Variants in KLF8 observed in about 807,000 individuals in gnomAD.
KLF8 encodes KLF transcription factor 8, also known as Krueppel-like factor 8.
KLF8 carries 10 observed loss-of-function variants against 18.2 expected under a neutral mutation model. The observed-to-expected ratio is 0.55, with a 90% confidence interval of 0.34 to 0.93. The LOEUF (loss-of-function observed/expected upper bound fraction) is 0.93. Ranked by LOEUF, KLF8 falls within the 40% of genes least tolerant of loss-of-function variation. KLF8 has a pLI of 0.02. For synonymous variants in KLF8, 109 were observed against 97.3 expected (o/e 1.12, Z -0.71); for missense variants, 264 against 277.9 (o/e 0.95, Z 0.36).
chrX:56,228,372 C>G (rs2066382272), upstream of KLF8, among the ~76,000 whole-genome samples: 1 of 111,895 alleles, frequency 8.9e-6, no homozygotes, highest in African/African-American at 3.2e-5. Flanking sequence ...CTTTGGGGAC[C>G]ATCTTTAAGA....
the KLF8 span, among the ~76,000 whole-genome samples, chrX:56,083,228 G>A: frequency 9.0e-6 from 1 of 111,615 alleles, no homozygotes; most frequent in Admixed American, 9.5e-5. Flanking sequence ...TAAAAGTTAC[G>A]TATTATATGT....
At chrX:55,920,614 A>G in the KLF8 span, among the ~76,000 whole-genome samples, 2 of 105,134 alleles carry the variant, frequency 1.9e-5, no homozygotes. Context: ...ACACACTTAG[A>G]GAAATGCAAA....
the KLF8 span, among the ~76,000 whole-genome samples, chrX:56,011,449 C>A: frequency 9.0e-6 from 1 of 111,360 alleles, no homozygotes; most frequent in Non-Finnish European, 1.9e-5. Flanking sequence ...ACTAGAATCT[C>A]TGGATGCAGC....
chrX:56,052,186 G>C, the KLF8 span, among the ~76,000 whole-genome samples: 23 of 110,314 alleles, frequency 2.1e-4, no homozygotes, highest in Admixed American at 1.4e-3. Flanking sequence ...TTTTTTCAAA[G>C]TTTTCAACTT....
chrX:56,021,575 C>G, the KLF8 span, among the ~76,000 whole-genome samples: 1 of 109,366 alleles, frequency 9.1e-6, no homozygotes, highest in African/African-American at 3.3e-5. Context: ...AGTGGTTATA[C>G]TGACCCGCTC....
the KLF8 span, among the ~76,000 whole-genome samples, chrX:56,124,355 T>G: frequency 8.9e-6 from 1 of 111,894 alleles, no homozygotes; most frequent in African/African-American, 3.2e-5. Flanking sequence ...CAGTTTTTGT[T>G]GAGTAAATAA....
chrX:56,269,001 A>G (rs1486123117), intron 3 of KLF8: 6 of 862,131 alleles, frequency 7.0e-6, no homozygotes, highest in East Asian at 9.3e-5. Flanking sequence ...AGTGAGTTCA[A>G]TTCAACACAC....
chrX:56,154,950 A>G, the KLF8 span, among the ~76,000 whole-genome samples: 2 of 111,995 alleles, frequency 1.8e-5, no homozygotes, highest in Admixed American at 1.9e-4. Flanking sequence ...AAAAGTCAGG[A>G]AACAACAGGT....
chrX:55,960,993 G>T, the KLF8 span, among the ~76,000 whole-genome samples: 127 of 111,578 alleles, frequency 1.1e-3, 1 homozygote, highest in African/African-American at 3.8e-3. Flanking sequence ...AATGGAGATA[G>T]GTTTATCAGG....
At chrX:56,131,121 A>G in the KLF8 span, among the ~76,000 whole-genome samples, 1 of 112,065 alleles carries the variant, frequency 8.9e-6, no homozygotes, top group African/African-American at 3.2e-5. Context: ...AGACATCCAA[A>G]TACAAGAAGC....
At chrX:56,165,075 C>A in the KLF8 span, among the ~76,000 whole-genome samples, 1 of 107,476 alleles carries the variant, frequency 9.3e-6, no homozygotes, top group Non-Finnish European at 1.9e-5. Context: ...CTACAAAGAA[C>A]ATGAACTCAT....
At chrX:56,279,134 C>T (rs1310834234) in intron 5 of KLF8, among the ~76,000 whole-genome samples, 1 of 111,186 alleles carries the variant, frequency 9.0e-6, no homozygotes, top group African/African-American at 3.3e-5. Flanking sequence ...TGTGAGTGGT[C>T]ATCTGATTTT....
the KLF8 span, among the ~76,000 whole-genome samples, chrX:56,097,148 G>T: frequency 9.0e-6 from 1 of 111,257 alleles, no homozygotes; most frequent in African/African-American, 3.3e-5. Context: ...TGCTGATTTA[G>T]TATTCAAAAA....
At chrX:56,241,266 A>T (rs1051877325) in intron 1 of KLF8, among the ~76,000 whole-genome samples, 2 of 111,743 alleles carry the variant, frequency 1.8e-5, no homozygotes, top group Non-Finnish European at 3.8e-5. Flanking sequence ...CTCCTGAGTT[A>T]AAGTGACTCG....
chrX:56,195,781 C>T, the KLF8 span, among the ~76,000 whole-genome samples: 1 of 111,357 alleles, frequency 9.0e-6, no homozygotes, highest in African/African-American at 3.3e-5. Context: ...ACATAATTGT[C>T]AGATTCACAA....
chrX:56,198,441 T>C, the KLF8 span, among the ~76,000 whole-genome samples: 5 of 111,256 alleles, frequency 4.5e-5, no homozygotes, highest in African/African-American at 1.6e-4. Context: ...TTATACACCA[T>C]TAACAGACAA....
the KLF8 span, among the ~76,000 whole-genome samples, chrX:56,071,069 C>A: frequency 9.0e-6 from 1 of 111,530 alleles, no homozygotes; most frequent in African/African-American, 3.3e-5. Flanking sequence ...TAATAGATAA[C>A]CTAGATATTA....
chrX:56,173,456 A>G, the KLF8 span, among the ~76,000 whole-genome samples: 2 of 111,679 alleles, frequency 1.8e-5, no homozygotes, highest in Non-Finnish European at 3.8e-5. Flanking sequence ...CCATTTGTCT[A>G]TATCTCTGTT....
the KLF8 span, among the ~76,000 whole-genome samples, chrX:56,160,905 A>G: frequency 9.0e-6 from 1 of 111,016 alleles, no homozygotes; most frequent in African/African-American, 3.3e-5. Context: ...GGTTAGTATT[A>G]TTATGTGTGA....
Sources: gnomAD v4.1 joint callset for allele counts (sites outside exome capture counted in the v4.1 genomes callset) on GRCh38, gnomAD v4.1.1 for gene constraint, MANE v1.5 for transcripts, NCBI Gene and HGNC (gene_info 2026-07-23, HGNC 2026-07-21) for gene names.